Variants in RYR3 observed in about 807,000 individuals in gnomAD.
RYR3 encodes ryanodine receptor 3.
A neutral mutation model predicts 584.3 loss-of-function variants in RYR3; 207 were observed. The observed-to-expected ratio is 0.35, with a 90% CI of 0.32 to 0.40. The LOEUF (loss-of-function observed/expected upper bound fraction) is 0.40, where lower values mean the gene tolerates loss of function less well. Among genes scored for constraint, RYR3 ranks in the 10% least tolerant of loss-of-function variants. The pLI is 1.00. For synonymous variants in RYR3, 2,416 were observed against 2,248.5 expected (o/e 1.07, Z -2.11); for missense variants, 5,616 against 6,089.2 (o/e 0.92, Z 2.59).
chr15:33,318,774 A>C (rs1968547319), intron 1 of RYR3, among the ~76,000 whole-genome samples: 1 of 152,214 alleles, frequency 6.6e-6, no homozygotes, highest in South Asian at 2.1e-4. Flanking sequence ...ACTTTGTTTT[A>C]AATAATTCAT....
rs547075738 is a variant in RYR3 at position 33,635,956 on chromosome 15, T to C, written c.3381+137T>C. On this transcript the variant is annotated intron_variant, in intron 26 of 103. Coordinates refer to ENST00000634891, the MANE Select transcript of RYR3 (RefSeq NM_001036.6). ...ACCACTGGCTAATGTAGACATTGAA[T>C]GGGCATCTCCTAGTGACTGTTTCTT... 17 of 719,674 alleles carry C rather than the reference T, an allele frequency of 2.4e-5. No homozygotes were observed. In the Admixed American group the frequency reaches 3.4e-4, roughly 14 times the overall value. 44.6% of individuals were successfully genotyped at this position (719,674 alleles called of 1,614,324 possible). A position where few individuals can be genotyped will look rare whatever the true frequency, so the allele number is the denominator to read the frequency against.
intron 18 of RYR3, among the ~76,000 whole-genome samples, chr15:33,607,340 T>C (rs1158870558): frequency 6.6e-6 from 1 of 152,128 alleles, no homozygotes; most frequent in African/African-American, 2.4e-5. Context: ...AAAATCATAT[T>C]ATCGGGTTTG....
intron 2 of RYR3, among the ~76,000 whole-genome samples, chr15:33,491,876 A>C (rs2050991029): frequency 6.6e-6 from 1 of 152,158 alleles, no homozygotes; most frequent in South Asian, 2.1e-4. Flanking sequence ...GAGACAGCTC[A>C]TGCCCTGGGT....
intron 4 of RYR3, 43 bp downstream of exon 4, chr15:33,530,709 A>G (rs1230150132): frequency 6.9e-7 from 1 of 1,446,238 alleles, no homozygotes; most frequent in African/African-American, 1.4e-5. Flanking sequence ...AAGGAGAAGG[A>G]AAAACTGAAG....
At chr15:33,807,827 T>C in intron 70 of RYR3, 1 of 531,238 alleles carries the variant, frequency 1.9e-6, no homozygotes, top group Non-Finnish European at 3.4e-6. Flanking sequence ...TGCTCCCTTC[T>C]CCAGCTGCCC....
At position 33,695,608 on chromosome 15, in the gene RYR3, C is replaced by G. The variant is rs112385576; in HGVS notation, c.5861-610C>G. 6.3e-3 allele frequency among the ~76,000 whole-genome samples: 953 copies of G among 152,130 alleles called. 6 individuals are homozygous for G. The highest frequency in any genetic ancestry group is 0.022 in the African/African-American group (910 of 41,466). ...GATGCTCAGATGTCCCGTTGTAAAG[C>G]CTTTAGATCTGTTCTCTCAGCCCAG... is the stretch of plus-strand genomic sequence containing the variant. On this transcript the variant is annotated intron_variant, in intron 38 of 103. Transcript: ENST00000634891.
intron 99 of RYR3, chr15:33,858,228 G>A (rs543281011): frequency 1.5e-5 from 4 of 264,982 alleles, no homozygotes; most frequent in Non-Finnish European, 2.9e-5. Flanking sequence ...TTTTGAGATG[G>A]AGTTTTGCTT....
At chr15:33,327,742 A>C (rs1365848963) in intron 1 of RYR3, among the ~76,000 whole-genome samples, 2 of 150,536 alleles carry the variant, frequency 1.3e-5, no homozygotes, top group South Asian at 2.1e-4. Flanking sequence ...CCCCATCTCT[A>C]TCTCTCTCTC....
intron 101 of RYR3, 59 bp downstream of exon 101, chr15:33,860,718 A>AT: frequency 1.6e-6 from 2 of 1,274,788 alleles, no homozygotes; most frequent in Non-Finnish European, 2.2e-6. Flanking sequence ...AAGCAAATAG[A>AT]TTTTTTAAAC....
rs539110280 is a variant in RYR3 at position 33,837,909 on chromosome 15, G to A, written c.11929G>A (p.Val3977Ile). 1.5e-5 allele frequency: 25 copies of A among 1,614,014 alleles called. 1 individual carries two copies. The highest frequency in any genetic ancestry group is 1.6e-4 in the Middle Eastern group (1 of 6,062). ...TGATGAGAATGACATGTTTAATTAC[G>A]TTGATTTTGTAGACCGGTTCCATGA... is the stretch of plus-strand genomic sequence containing the variant. ...EADENDMFNY[V>I]DFVDRFHEPA... The change falls in exon 89 of 104, where the codon GTT (valine) becomes ATT (isoleucine). Residue 3977 changes from valine to isoleucine, a missense_variant. By Grantham distance (29) the Val-to-Ile change is conservative (BLOSUM62 3). Transcript: ENST00000634891.
At chr15:33,669,590 G>T in intron 37 of RYR3, 134 bp downstream of exon 37, 1 of 715,786 alleles carries the variant, frequency 1.4e-6, no homozygotes, top group Non-Finnish European at 2.4e-6. Flanking sequence ...TTCAAGACGT[G>T]ACTATCCTAG....
At chr15:33,461,120 A>G (rs1265194144) in intron 1 of RYR3, among the ~76,000 whole-genome samples, 2 of 151,282 alleles carry the variant, frequency 1.3e-5, no homozygotes, top group South Asian at 2.1e-4. Context: ...AATTTTTTGT[A>G]TTTTTAGTAG....
At chr15:33,345,954 C>T (rs1231492168) in intron 1 of RYR3, among the ~76,000 whole-genome samples, 1 of 151,998 alleles carries the variant, frequency 6.6e-6, no homozygotes, top group Non-Finnish European at 1.5e-5. Context: ...TAGTTATGTT[C>T]TATTTAGTAA....
At chr15:33,629,309 G>T (rs912803784) in intron 21 of RYR3, among the ~76,000 whole-genome samples, 2 of 152,238 alleles carry the variant, frequency 1.3e-5, no homozygotes, top group Admixed American at 6.5e-5. Flanking sequence ...TGTACTTGAA[G>T]TGTGACTAGT....
chr15:33,389,392 G>C (rs776713600), intron 1 of RYR3, among the ~76,000 whole-genome samples: 3 of 152,146 alleles, frequency 2.0e-5, no homozygotes, highest in Non-Finnish European at 2.9e-5. Flanking sequence ...ATGATCAGTA[G>C]AAAATTAAAA....
intron 1 of RYR3, among the ~76,000 whole-genome samples, chr15:33,435,723 C>T (rs79625493): frequency 0.019 from 2,876 of 152,224 alleles, 83 homozygotes; most frequent in African/African-American, 0.063. Flanking sequence ...CGGTAGGTTC[C>T]TGGTCTCACT....
intron 49 of RYR3, among the ~76,000 whole-genome samples, 186 bp from the exon 50 acceptor site, chr15:33,738,264 G>A (rs1390858462): frequency 6.6e-6 from 1 of 152,160 alleles, no homozygotes; most frequent in Non-Finnish European, 1.5e-5. Context: ...CAAGCTGACT[G>A]TTCCCAGCTT....
At position 33,731,570 on chromosome 15, in the gene RYR3, G is replaced by A. The variant is rs758570465; in HGVS notation, c.7300G>A (p.Gly2434Arg). The A allele has an allele frequency of 9.3e-6, 15 of 1,613,598 alleles. No homozygotes were observed. Among genetic ancestry groups the A allele is most frequent in the Admixed American group, 3.3e-5 (2 of 59,982 alleles). Reference protein sequence around the residue: ...LLTRCAPLFAGTEHCTSLIDS... With the variant: ...LLTRCAPLFARTEHCTSLIDS... ...CACAAGATGTGCCCCTCTCTTTGCC[G>A]GAACAGAACACTGCACCTCTCTGAT... The change falls in exon 48 of 104, where the codon GGA (glycine) becomes AGA (arginine). Residue 2434 changes from glycine (G) to arginine (R), a missense_variant. Gly to Arg is a moderately radical substitution (Grantham distance 125). Around this residue, in one of 9 missense-constraint regions of RYR3, gnomAD observed 1,280 missense variants for 1,426.2 expected, o/e 0.90. Coordinates refer to ENST00000634891, the MANE Select transcript of RYR3 (RefSeq NM_001036.6).
rs73380432 is a variant in RYR3 at position 33,412,946 on chromosome 15, A to G, written c.52-60473A>G. ...TTCAAGAAACTAGCCTATGTACTCC[A>G]TCTTTCTCTTTCTGTGCTCTTTGAG... On this transcript the variant is annotated intron_variant, in intron 1 of 103. Coordinates refer to ENST00000634891, the MANE Select transcript of RYR3 (RefSeq NM_001036.6). The surrounding 1 kb of genome is among the most constrained non-coding windows in gnomAD (Gnocchi z 4.3). Among the ~76,000 whole-genome samples the G allele has an allele frequency of 0.023, 3,436 of 152,294 alleles. 133 individuals carry two copies. The highest frequency in any genetic ancestry group is 0.078 in the African/African-American group (3,254 of 41,554).
Sources: allele counts gnomAD v4.1 joint callset (sites outside exome capture counted in the v4.1 genomes callset), GRCh38; gene constraint gnomAD v4.1.1; regional missense constraint gnomAD v4.1.1; non-coding constraint Gnocchi (gnomAD v3.1); transcripts MANE v1.5; gene names NCBI Gene and HGNC (gene_info 2026-07-23, HGNC 2026-07-21).